CADM2: variants seen among roughly 807,000 people sequenced by gnomAD.
The protein encoded by CADM2 is cell adhesion molecule 2.
A neutral mutation model predicts 49.8 loss-of-function variants in CADM2; 12 were observed. The ratio of observed to expected loss-of-function variants is 0.24; its 90% CI spans 0.15 to 0.39. The LOEUF is 0.39. Among genes scored for constraint, CADM2 ranks in the 10% least tolerant of loss-of-function variants. CADM2 has a pLI of 1.00. For missense variants in CADM2, 378 were observed against 492.3 expected (o/e 0.77, Z 2.20); for synonymous variants, 214 against 175.4 (o/e 1.22, Z -1.74).
At position 85,883,316 on chromosome 3, in the gene CADM2, G is replaced by C. The variant is rs1186619151; in HGVS notation, c.264G>C (p.Leu88=). 6.2e-7 allele frequency: 1 copy of C among 1,613,492 alleles called. No individual in the cohort carries two copies. Residue 88 remains leucine, a synonymous_variant, in exon 4 of 10, where the codon CTG becomes CTC. Coordinates refer to ENST00000383699, the MANE Select transcript of CADM2 (RefSeq NM_001167675.2). ...CTTTAAGGGACAATAGGATCGAGCT[G>C]GTTCGCGCTTCCTGGCATGAATTGA... The part of the protein sequence containing the change: ...KKALRDNRIE[L]VRASWHELSI...
chr3:85,921,386 A>C (rs1719091252), intron 6 of CADM2, among the ~76,000 whole-genome samples: 2 of 151,958 alleles, frequency 1.3e-5, no homozygotes, highest in South Asian at 2.1e-4. Flanking sequence ...TGACTGTAAT[A>C]AATCAATGTA....
At chr3:85,308,340 C>CACAA (rs762259586) in intron 1 of CADM2, among the ~76,000 whole-genome samples, 9 of 149,134 alleles carry the variant, frequency 6.0e-5, no homozygotes, top group African/African-American at 2.3e-4. Flanking sequence ...CACACACACA[C>CACAA]AACACTCCAT....
chr3:85,955,982 A>T (rs1168782881), intron 7 of CADM2, among the ~76,000 whole-genome samples: 9 of 151,732 alleles, frequency 5.9e-5, no homozygotes, highest in Non-Finnish European at 1.3e-4. Context: ...GGAAAAATAA[A>T]CATCTTTATA....
intron 1 of CADM2, among the ~76,000 whole-genome samples, chr3:85,526,858 A>G (rs1197509490): frequency 6.6e-6 from 1 of 152,192 alleles, no homozygotes; most frequent in Non-Finnish European, 1.5e-5. Context: ...AGGGAACTGA[A>G]TATCCAAAAA....
chr3:85,334,271 A>G (rs1287779822), intron 1 of CADM2, among the ~76,000 whole-genome samples: 2 of 151,568 alleles, frequency 1.3e-5, no homozygotes, highest in South Asian at 2.1e-4. Flanking sequence ...GTCATTAAAT[A>G]GCAATAGGTA....
At chr3:85,992,388 CATTTT>C (rs1201727059) in intron 8 of CADM2, 1 of 151,846 alleles carries the variant, frequency 6.6e-6, no homozygotes, top group Non-Finnish European at 1.5e-5. Flanking sequence ...TATATGGAGT[CATTTT>C]ATTTTTCTAA....
chr3:85,945,898 T>A (rs1205633970), intron 7 of CADM2, among the ~76,000 whole-genome samples: 1 of 152,048 alleles, frequency 6.6e-6, no homozygotes, highest in African/African-American at 2.4e-5. Context: ...TCACCACTCC[T>A]ATTCAACATA....
At chr3:85,769,489 A>ATATATACATATATGTGTATATACACG (rs2069914917) in intron 2 of CADM2, among the ~76,000 whole-genome samples, 1 of 55,378 alleles carries the variant, frequency 1.8e-5, no homozygotes, top group African/African-American at 1.1e-4. Flanking sequence ...ACGTATATAC[A>ATATATACATATATGTGTATATACACG]TATATACATA....
At chr3:85,452,331 C>A (rs1576581818) in intron 1 of CADM2, among the ~76,000 whole-genome samples, 1 of 152,042 alleles carries the variant, frequency 6.6e-6, no homozygotes, top group East Asian at 1.9e-4. Context: ...GATCTTTCAT[C>A]TTTGCCTTAA....
chr3:85,779,725 T>C (rs965075866), intron 2 of CADM2, among the ~76,000 whole-genome samples: 6 of 152,192 alleles, frequency 3.9e-5, no homozygotes, highest in African/African-American at 1.4e-4. Flanking sequence ...CCAAGCCATA[T>C]CACCTATATT....
At chr3:85,055,646 C>T (rs1263607639) in intron 1 of CADM2, among the ~76,000 whole-genome samples, 2 of 152,016 alleles carry the variant, frequency 1.3e-5, no homozygotes, top group Non-Finnish European at 2.9e-5. Context: ...GTACATTTTC[C>T]ATTGCAGATA....
intron 1 of CADM2, among the ~76,000 whole-genome samples, chr3:85,237,472 A>G (rs1458667922): frequency 2.6e-5 from 4 of 151,722 alleles, no homozygotes; most frequent in South Asian, 2.1e-4. Flanking sequence ...TTCATTCTAT[A>G]TATAATGAAA....
chr3:85,022,547 T>C (rs2034553029), intron 1 of CADM2, among the ~76,000 whole-genome samples: 1 of 152,204 alleles, frequency 6.6e-6, no homozygotes, highest in Admixed American at 6.5e-5. Flanking sequence ...ACTAGCTCCA[T>C]GGCCTAAATG....
intron 1 of CADM2, among the ~76,000 whole-genome samples, chr3:85,614,442 G>C (rs756250490): frequency 6.6e-6 from 1 of 151,694 alleles, no homozygotes; most frequent in Non-Finnish European, 1.5e-5. Flanking sequence ...TGATGTTTCA[G>C]TTTAAAAATT....
In CADM2 at chr3:85,142,717, C is replaced by T. The variant is rs75801634; in HGVS notation, c.61+183049C>T. 9.2e-5 allele frequency among the ~76,000 whole-genome samples: 14 copies of T among 152,242 alleles called. No homozygotes were observed. The East Asian group carries it at 1.5e-3, about 17-fold the overall frequency. On this transcript the variant is annotated intron_variant, in intron 1 of 9. Coordinates refer to ENST00000383699, the MANE Select transcript of CADM2 (RefSeq NM_001167675.2). ...TTGTAAAATGAAGAATCATAAGCTA[C>T]GAACCTTTTAACTGAATCTCTTCAT...
intron 1 of CADM2, among the ~76,000 whole-genome samples, chr3:85,263,557 G>T (rs1576236756): frequency 1.3e-5 from 2 of 152,200 alleles, no homozygotes; most frequent in Admixed American, 1.3e-4. Flanking sequence ...AGTTCACATA[G>T]TGCCATTGTA....
At chr3:85,442,874 G>A (rs1043359655) in intron 1 of CADM2, among the ~76,000 whole-genome samples, 33 of 151,684 alleles carry the variant, frequency 2.2e-4, no homozygotes, top group Non-Finnish European at 3.7e-4. Flanking sequence ...GAATCTCGTG[G>A]ATTTAGGTAA....
chr3:86,058,420 T>G (rs1461746187), intron 8 of CADM2, among the ~76,000 whole-genome samples: 1 of 152,184 alleles, frequency 6.6e-6, no homozygotes, highest in African/African-American at 2.4e-5. Flanking sequence ...ATTGATACAT[T>G]TAGTCACTGA....
chr3:85,245,394 A>C (rs1419558089), intron 1 of CADM2, among the ~76,000 whole-genome samples: 72 of 151,760 alleles, frequency 4.7e-4, no homozygotes, highest in Non-Finnish European at 5.9e-5. Context: ...CGCCTGTAGT[A>C]CCAGCTACTT....
Sources: allele counts gnomAD v4.1 joint callset (sites outside exome capture counted in the v4.1 genomes callset), GRCh38; gene constraint gnomAD v4.1.1; transcripts MANE v1.5; gene names NCBI Gene and HGNC (gene_info 2026-07-23, HGNC 2026-07-21).